PCDHGB4: variants seen among roughly 807,000 people sequenced by gnomAD.
PCDHGB4 encodes the protein protocadherin gamma-B4.
A neutral mutation model predicts 60.5 loss-of-function variants in PCDHGB4; 38 were observed. That is an observed-to-expected ratio of 0.63 (90% CI 0.48 to 0.82). The LOEUF (loss-of-function observed/expected upper bound fraction) is 0.82, where lower values mean the gene tolerates loss of function less well. Among genes scored for constraint, PCDHGB4 ranks in the 40% least tolerant of loss-of-function variants. The pLI, the probability that PCDHGB4 is intolerant of heterozygous loss-of-function variation, is 0.00. For synonymous variants in PCDHGB4, 456 were observed against 509.7 expected, an observed-to-expected ratio of 0.89 and a Z score of 1.42; for missense variants, 1,109 against 1,209.6, an observed-to-expected ratio of 0.92 and a Z score of 1.23.
In PCDHGB4 at chr5:141,485,179, C is replaced by G. The variant is rs1405000217; in HGVS notation, c.2398-9628C>G. The G allele has an allele frequency of 1.2e-6, 2 of 1,612,648 alleles. No homozygotes were observed. Among genetic ancestry groups the G allele is most frequent in the African/African-American group, 2.7e-5 (2 of 74,924 alleles). ...AGAATTAGCGGGCGGCAGCAATGCT[C>G]CGCAAGGTGAGAAGCTGGACAGAAA... is the stretch of plus-strand genomic sequence containing the variant. On this transcript the variant is annotated intron_variant, in intron 1 of 3. Transcript: ENST00000519479. This position sits in a 1 kb window ranked among gnomAD's most constrained non-coding sequence, Gnocchi z 5.7.
chr5:141,411,184 G>A (rs1478666914), intron 1 of PCDHGB4: 1 of 152,108 alleles, frequency 6.6e-6, no homozygotes, highest in Admixed American at 6.6e-5. Context: ...AGTGGTCTTG[G>A]CATCTAAGAA....
At chr5:141,407,967 T>C (rs1589649755) in intron 1 of PCDHGB4, 2 of 705,496 alleles carry the variant, frequency 2.8e-6, no homozygotes, top group South Asian at 2.3e-5. Flanking sequence ...GAGCAAGCGC[T>C]GACGCCGGGG....
chr5:141,456,783 C>G (rs1400541298), intron 1 of PCDHGB4, among the ~76,000 whole-genome samples: 3 of 151,802 alleles, frequency 2.0e-5, no homozygotes, highest in African/African-American at 4.8e-5. Flanking sequence ...GCCTACATGG[C>G]AAAACCCCAT....
Position 141,431,704 on chromosome 5 carries a change from C to T in PCDHGB4, c.2397+41423C>T. On this transcript the variant is annotated intron_variant, in intron 1 of 3. Transcript: ENST00000519479. The surrounding 1 kb of genome is among the most constrained non-coding windows in gnomAD (Gnocchi z 4.8). ...TGGACCACGAGGAGTCAGGATTCTA[C>T]CAGATGGAAGTGCAAGCAATGGATA... 1 of 1,614,194 alleles carries T rather than the reference C, an allele frequency of 6.2e-7. No homozygotes were observed. The highest frequency in any genetic ancestry group is 8.5e-7 in the Non-Finnish European group (1 of 1,180,036).
At chr5:141,421,965 C>A in intron 1 of PCDHGB4, 1 of 1,610,360 alleles carries the variant, frequency 6.2e-7, no homozygotes, top group Non-Finnish European at 8.5e-7. Context: ...TTACACAGTC[C>A]GTATATCGCG....
chr5:141,481,436 T>C (rs775003998), intron 1 of PCDHGB4, among the ~76,000 whole-genome samples: 5 of 152,220 alleles, frequency 3.3e-5, no homozygotes, highest in South Asian at 2.1e-4. Flanking sequence ...ATTGTATCAG[T>C]TTAGTACATG....
At chr5:141,473,902 G>C (rs1593464039) in intron 1 of PCDHGB4, among the ~76,000 whole-genome samples, 1 of 152,240 alleles carries the variant, frequency 6.6e-6, no homozygotes, top group South Asian at 2.1e-4. Context: ...GGTTCATGAA[G>C]AGGTCTTAAG....
intron 1 of PCDHGB4, chr5:141,395,539 TG>T: frequency 9.6e-6 from 2 of 208,432 alleles, no homozygotes; most frequent in Non-Finnish European, 1.6e-5. Flanking sequence ...ATTTTGCTAT[TG>T]TTTGTGTGTG....
intron 1 of PCDHGB4, among the ~76,000 whole-genome samples, chr5:141,468,273 C>T (rs894110332): frequency 1.4e-5 from 2 of 144,550 alleles, no homozygotes; most frequent in Non-Finnish European, 3.0e-5. Flanking sequence ...TGTGGTGAGC[C>T]GAGACCACGC....
At chr5:141,399,977 T>C (rs1166854292) in intron 1 of PCDHGB4, 1 of 1,612,262 alleles carries the variant, frequency 6.2e-7, no homozygotes, top group African/African-American at 1.3e-5. Flanking sequence ...AGCCTGGGGC[T>C]GCGCACAGGA....
chr5:141,399,059 A>T (rs769553635), intron 1 of PCDHGB4: 8 of 1,613,882 alleles, frequency 5.0e-6, no homozygotes, highest in Non-Finnish European at 6.8e-6. Context: ...ACCAAGGAAT[A>T]TTCAATGGTT....
Position 141,432,220 on chromosome 5 carries a change from C to T in PCDHGB4, c.2397+41939C>T. The T allele has an allele frequency of 6.2e-7, 1 of 1,614,246 alleles. No homozygotes were observed. Among genetic ancestry groups the T allele is most frequent in the Non-Finnish European group, 8.5e-7 (1 of 1,180,040 alleles). Reference sequence around the variant, plus strand: ...CCGACTGTGAAGAGAACGCCCAGATCACTTATTCCCTGGCTGAGAACACCA... The same window carrying T: ...CCGACTGTGAAGAGAACGCCCAGATTACTTATTCCCTGGCTGAGAACACCA... On this transcript the variant is annotated intron_variant, in intron 1 of 3. Coordinates refer to ENST00000519479, the MANE Select transcript of PCDHGB4 (RefSeq NM_003736.4). The surrounding 1 kb of genome is among the most constrained non-coding windows in gnomAD (Gnocchi z 6.0).
intron 1 of PCDHGB4, among the ~76,000 whole-genome samples, chr5:141,492,530 C>A (rs1595123138): frequency 1.3e-5 from 2 of 152,246 alleles, no homozygotes; most frequent in South Asian, 2.1e-4. Flanking sequence ...CCCACCTGCG[C>A]CCCGGGCTGG....
intron 1 of PCDHGB4, chr5:141,421,788 G>T: frequency 6.2e-7 from 1 of 1,613,800 alleles, no homozygotes; most frequent in Non-Finnish European, 8.5e-7. Flanking sequence ...GGGGCAGAAC[G>T]GATGGGGCCA....
rs754462129 is a variant in PCDHGB4, at chr5:141,490,693, G to T, written c.2398-4114G>T. 6.2e-7 allele frequency: 1 copy of T among 1,614,170 alleles called. No homozygotes were observed. Among genetic ancestry groups the T allele is most frequent in the South Asian group, 1.1e-5 (1 of 91,072 alleles). On this transcript the variant is annotated intron_variant, in intron 1 of 3. Transcript: ENST00000519479. This position sits in a 1 kb window ranked among gnomAD's most constrained non-coding sequence, Gnocchi z 5.4. Reference sequence around the variant, plus strand: ...GGCTGCCTCAGATCCAGACACTGGGGATAATGCCCGCCTCACCTACTCCAT... The same window carrying T: ...GGCTGCCTCAGATCCAGACACTGGGTATAATGCCCGCCTCACCTACTCCAT...
intron 3 of PCDHGB4, among the ~76,000 whole-genome samples, chr5:141,508,772 C>T (rs1015277795): frequency 5.3e-5 from 8 of 152,070 alleles, no homozygotes; most frequent in African/African-American, 1.2e-4. Flanking sequence ...TGAGGTCCCC[C>T]CTCTAGCCCC....
chr5:141,447,885 A>T (rs2098554278), intron 1 of PCDHGB4, among the ~76,000 whole-genome samples: 1 of 152,134 alleles, frequency 6.6e-6, no homozygotes, highest in Admixed American at 6.6e-5. Context: ...CAGGAGTTCG[A>T]GACCAGCCTG....
chr5:141,400,311 T>A, intron 1 of PCDHGB4: 1 of 1,614,098 alleles, frequency 6.2e-7, no homozygotes, highest in Non-Finnish European at 8.5e-7. Flanking sequence ...CTGGTCTCTG[T>A]GTCAAGTCTG....
In PCDHGB4 at chr5:141,387,777, C is replaced by G; in HGVS notation, c.-108C>G. On this transcript the variant is annotated 5_prime_UTR_variant, in exon 1 of 4. Transcript: ENST00000519479. ...GGAAAAAGAAGAATTTTTTCTTGAA[C>G]TGGAACTGCAACTAAAGTCCGTTCG... 1 of 1,453,750 alleles carries G rather than the reference C, an allele frequency of 6.9e-7. No individual in the cohort carries two copies. The highest frequency in any genetic ancestry group is 9.2e-7 in the Non-Finnish European group (1 of 1,092,288). 90.1% of individuals were successfully genotyped at this position (1,453,750 alleles called of 1,614,324 possible). A position where few individuals can be genotyped will look rare whatever the true frequency, so the allele number is the denominator to read the frequency against.
Sources: allele counts gnomAD v4.1 joint callset (sites outside exome capture counted in the v4.1 genomes callset), GRCh38; gene constraint gnomAD v4.1.1; non-coding constraint Gnocchi (gnomAD v3.1); transcripts MANE v1.5; gene names NCBI Gene and HGNC (gene_info 2026-07-23, HGNC 2026-07-21).